Variants in PATJ observed in about 807,000 individuals in gnomAD.
The protein encoded by PATJ is PATJ crumbs cell polarity complex component.
Under a neutral mutation model 224.9 loss-of-function variants are expected in PATJ, and 190 were observed. That is an observed-to-expected ratio of 0.84 (90% CI 0.75 to 0.95). The LOEUF is 0.95. PATJ is among the 40% of genes least tolerant of loss of function. The pLI, the probability that PATJ is intolerant of heterozygous loss-of-function variation, is 0.00. For synonymous variants in PATJ, 769 were observed against 820.3 expected, an observed-to-expected ratio of 0.94 and a Z score of 1.07; for missense variants, 2,121 against 2,270.3, an observed-to-expected ratio of 0.93 and a Z score of 1.34.
chr1:61,974,405 CTTTTTTTTTTT>C (rs149825131), intron 27 of PATJ, among the ~76,000 whole-genome samples: 1 of 64,240 alleles, frequency 1.6e-5, no homozygotes, highest in African/African-American at 6.3e-5. Flanking sequence ...CTCTCTCTCT[CTTTTTTTTTTT>C]TTTTTTTTTT....
chr1:62,142,025 A>G (rs1442244140), intron 41 of PATJ, among the ~76,000 whole-genome samples: 1 of 152,212 alleles, frequency 6.6e-6, no homozygotes, highest in African/African-American at 2.4e-5. Context: ...GTAAGTGCTC[A>G]TTTTATATTC....
At position 62,157,831 on chromosome 1, in the gene PATJ, CAAAAAAAAA is replaced by C. The variant is rs1160300843; in HGVS notation, c.5503-3061_5503-3053del. 4.7e-4 allele frequency among the ~76,000 whole-genome samples: 28 copies of C among 59,768 alleles called. 3 individuals are homozygous for C. The highest frequency in any genetic ancestry group is 2.4e-4 in the Admixed American group (1 of 4,190). 39.2% of individuals were successfully genotyped at this position (59,768 alleles called of 152,430 possible). A position where few individuals can be genotyped will look rare whatever the true frequency, so the allele number is the denominator to read the frequency against. ...GGGCAACAGAGTGAGACTCTGTCTCCAAAAAAAAAAAAAAAAAAAAAAAATAATCCAAGC... is the reference window on the plus strand; with the variant it reads ...GGGCAACAGAGTGAGACTCTGTCTCCAAAAAAAAAAAAAAATAATCCAAGC... On this transcript the variant is annotated intron_variant, in intron 43 of 43. Coordinates refer to ENST00000642238, the MANE Select transcript of PATJ (RefSeq NM_001350145.3).
At chr1:61,771,328 TAAGTA>T (rs991323524) in intron 5 of PATJ, 98 bp from the exon 6 acceptor site, 13 of 566,830 alleles carry the variant, frequency 2.3e-5, no homozygotes, top group South Asian at 1.6e-4. Context: ...ATAAATGTAC[TAAGTA>T]AAGTAGTACC....
chr1:61,963,326 G>A (rs977515339), intron 27 of PATJ, among the ~76,000 whole-genome samples: 1 of 152,058 alleles, frequency 6.6e-6, no homozygotes, highest in African/African-American at 2.4e-5. Context: ...TGGGCGTGGT[G>A]GCTCACACCT....
intron 26 of PATJ, among the ~76,000 whole-genome samples, chr1:61,918,393 C>T (rs1375888277): frequency 4.0e-5 from 6 of 150,348 alleles, no homozygotes; most frequent in Non-Finnish European, 5.9e-5. Flanking sequence ...CTGCAACCTC[C>T]GCCTCCCAGA....
intron 8 of PATJ, 79 bp downstream of exon 8, chr1:61,788,051 T>A: frequency 8.6e-7 from 1 of 1,159,490 alleles, no homozygotes; most frequent in Non-Finnish European, 1.3e-6. Flanking sequence ...TCTTTCAACT[T>A]GAAGCACCAC....
intron 1 of PATJ, among the ~76,000 whole-genome samples, chr1:61,754,455 C>A (rs1407015702): frequency 6.6e-6 from 1 of 151,734 alleles, no homozygotes; most frequent in African/African-American, 2.4e-5. Context: ...GGTAATTCTC[C>A]CACCTCAGCC....
At chr1:61,929,390 C>T (rs1375224716) in intron 27 of PATJ, among the ~76,000 whole-genome samples, 1 of 151,572 alleles carries the variant, frequency 6.6e-6, no homozygotes, top group Non-Finnish European at 1.5e-5. Context: ...TGGGGGTGAG[C>T]GAATATCTTA....
intron 14 of PATJ, among the ~76,000 whole-genome samples, chr1:61,810,696 C>CAAAA (rs1387818189): frequency 2.2e-4 from 28 of 126,012 alleles, no homozygotes; most frequent in Middle Eastern, 3.6e-3. Context: ...GACTCTGTCT[C>CAAAA]AAAAAATAAA....
At chr1:62,033,105 A>G (rs1433908409) in intron 29 of PATJ, among the ~76,000 whole-genome samples, 2 of 152,194 alleles carry the variant, frequency 1.3e-5, no homozygotes, top group Non-Finnish European at 2.9e-5. Flanking sequence ...CAGCCAAACC[A>G]TATCAGGTAT....
At chr1:62,015,555 T>C (rs1287622770) in intron 28 of PATJ, among the ~76,000 whole-genome samples, 1 of 151,920 alleles carries the variant, frequency 6.6e-6, no homozygotes, top group African/African-American at 2.4e-5. Flanking sequence ...GTGTGCGTGA[T>C]GGACTCTCAC....
intron 1 of PATJ, among the ~76,000 whole-genome samples, chr1:61,750,288 T>G (rs1645248337): frequency 6.6e-6 from 1 of 152,192 alleles, no homozygotes; most frequent in Non-Finnish European, 1.5e-5. Context: ...GTAGATGGCT[T>G]TTAGGCCTGG....
intron 25 of PATJ, among the ~76,000 whole-genome samples, chr1:61,910,789 C>T (rs1201424977): frequency 6.6e-6 from 1 of 151,806 alleles, no homozygotes; most frequent in East Asian, 1.9e-4. Flanking sequence ...TCAAGTAATC[C>T]TCCTGCCTTG....
chr1:61,969,896 G>A (rs1682704267), intron 27 of PATJ, among the ~76,000 whole-genome samples: 1 of 152,072 alleles, frequency 6.6e-6, no homozygotes, highest in South Asian at 2.1e-4. Context: ...GTTTCACCAT[G>A]TTGGCCGGAC....
intron 22 of PATJ, among the ~76,000 whole-genome samples, chr1:61,892,713 T>TACAG (rs1296517506): frequency 5.3e-5 from 8 of 152,144 alleles, no homozygotes; most frequent in African/African-American, 1.9e-4. Flanking sequence ...GAGAAGAAGG[T>TACAG]ACAGCGAGGA....
chr1:61,908,627 T>C (rs1672185998), intron 25 of PATJ, 145 bp downstream of exon 25: 5 of 603,110 alleles, frequency 8.3e-6, no homozygotes, highest in African/African-American at 1.9e-5. Flanking sequence ...AATTTAGTCA[T>C]AAGGTTCCCT....
intron 20 of PATJ, among the ~76,000 whole-genome samples, chr1:61,867,572 A>AT (rs1557783576): frequency 1.2e-3 from 61 of 51,300 alleles, no homozygotes; most frequent in East Asian, 0.011. Flanking sequence ...AAATCTGTAA[A>AT]ATTTTTTTTT....
intron 1 of PATJ, among the ~76,000 whole-genome samples, chr1:61,751,126 C>T (rs543970293): frequency 6.6e-6 from 1 of 151,916 alleles, no homozygotes; most frequent in South Asian, 2.1e-4. Context: ...CTCAGCCTCC[C>T]GAATAGCTGG....
chr1:62,067,883 T>G (rs911557855), intron 31 of PATJ, among the ~76,000 whole-genome samples: 1 of 152,104 alleles, frequency 6.6e-6, no homozygotes, highest in Non-Finnish European at 1.5e-5. Flanking sequence ...TCACTGCAAC[T>G]TCTGCCTCCC....
Sources: allele counts gnomAD v4.1 joint callset (sites outside exome capture counted in the v4.1 genomes callset), GRCh38; gene constraint gnomAD v4.1.1; transcripts MANE v1.5; gene names NCBI Gene and HGNC (gene_info 2026-07-23, HGNC 2026-07-21).